The following CTNS variants were observed in gnomAD, a reference collection of about 807,000 sequenced individuals.
CTNS encodes cystinosin.
A neutral mutation model predicts 43.7 loss-of-function variants in CTNS; 27 were observed. That is an observed-to-expected ratio of 0.62 (90% confidence interval 0.46 to 0.85). The LOEUF (loss-of-function observed/expected upper bound fraction) is 0.85. Ranked by LOEUF, CTNS falls within the 40% of genes least tolerant of loss-of-function variation. CTNS has a pLI of 0.00. For synonymous variants in CTNS, 187 were observed against 190.6 expected (o/e 0.98, Z 0.16); for missense variants, 457 against 475.4 (o/e 0.96, Z 0.36).
rs1054434880 is a variant in CTNS, at chr17:3,646,538, C to T, written c.62-906C>T. Among the ~76,000 whole-genome samples, 11 of 152,242 alleles carry T rather than the reference C, an allele frequency of 7.2e-5. 1 individual carries two copies. In the South Asian group the frequency reaches 8.3e-4, roughly 11 times the overall value. The stretch of plus-strand genomic sequence containing the variant: ...CTCTGACCTCGTGATCCACCTGCCT[C>T]GGCCTCCCAAAAGGCTGGGATTACA... On this transcript the variant is annotated intron_variant, in intron 3 of 11. Coordinates refer to ENST00000046640, the MANE Select transcript of CTNS (RefSeq NM_004937.3).
Position 3,662,191 on chromosome 17 carries a change from A to G in CTNS, c.*1822A>G, listed in dbSNP as rs1219298521. On this transcript the variant is annotated 3_prime_UTR_variant, in exon 12 of 12. Coordinates refer to ENST00000046640, the MANE Select transcript of CTNS (RefSeq NM_004937.3). The stretch of plus-strand genomic sequence containing the variant: ...CTGGGCATGGTGGCGGGCACCTGTA[A>G]TCCCAGCTACTTGGTTGGCTGAGGC... Among the ~76,000 whole-genome samples the G allele has an allele frequency of 2.6e-5, 4 of 152,186 alleles. No homozygotes were observed. Among genetic ancestry groups the G allele is most frequent in the African/African-American group, 9.6e-5 (4 of 41,530 alleles).
At position 3,638,226 on chromosome 17, in the gene CTNS, G is replaced by T. The variant is rs111555211; in HGVS notation, c.-20+910G>T. On this transcript the variant is annotated intron_variant, in intron 2 of 11. Transcript: ENST00000046640. ...CTAGTTGTATGTAATTATCAATCTG[G>T]TTTTTTTTTTGTTTTTTTTTTTTAA... Among the ~76,000 whole-genome samples the T allele has an allele frequency of 1.3e-4, 19 of 149,012 alleles. No homozygotes were observed. The East Asian group carries it at 1.4e-3, about 11-fold the overall frequency.
intron 3 of CTNS, among the ~76,000 whole-genome samples, chr17:3,643,541 C>T (rs951889157): frequency 6.6e-6 from 1 of 151,908 alleles, no homozygotes; most frequent in African/African-American, 2.4e-5. Context: ...CCAGCGTGAG[C>T]GACATAGTGA....
At chr17:3,648,654 C>T (rs1405542655) in intron 4 of CTNS, among the ~76,000 whole-genome samples, 193 bp from the exon 5 acceptor site, 2 of 152,228 alleles carry the variant, frequency 1.3e-5, no homozygotes, top group Non-Finnish European at 2.9e-5. Context: ...AAGGGACAGA[C>T]ACCTGGTCTC....
chr17:3,661,083 T>C lies in CTNS; in HGVS notation c.*714T>C, dbSNP rs2076269610. On this transcript the variant is annotated 3_prime_UTR_variant, in exon 12 of 12. Transcript: ENST00000046640. ...AAGTGGCTTACTCTCTTCTGCCCTC[T>C]CTCCTACCTCCACCTTCTCAGATTA... 2.7e-6 allele frequency: 1 copy of C among 368,100 alleles called. No individual in the cohort carries two copies. Among genetic ancestry groups the C allele is most frequent in the African/African-American group, 2.1e-5 (1 of 47,516 alleles). The allele number at this position is 368,100 out of a possible 1,614,324, so 22.8% of individuals were successfully genotyped here. A position where few individuals can be genotyped will look rare whatever the true frequency, so the allele number is the denominator to read the frequency against.
chr17:3,655,389 G>A (rs2076104126), intron 7 of CTNS, 37 bp downstream of exon 7: 2 of 1,612,530 alleles, frequency 1.2e-6, no homozygotes, highest in East Asian at 2.2e-5. Context: ...CTCTCTCGGG[G>A]CCCCTAGGAG....
At chr17:3,654,472 G>A (rs1387443565) in intron 5 of CTNS, among the ~76,000 whole-genome samples, 3 of 151,872 alleles carry the variant, frequency 2.0e-5, no homozygotes, top group East Asian at 3.9e-4. Flanking sequence ...TCAGGAGTTC[G>A]AGACCAGCCT....
chr17:3,653,960 C>T (rs1217928919), intron 5 of CTNS, among the ~76,000 whole-genome samples: 1 of 152,268 alleles, frequency 6.6e-6, no homozygotes, highest in East Asian at 1.9e-4. Context: ...TGAAGCAGAG[C>T]ATTTGCCAAA....
At chr17:3,648,386 G>A (rs888675424) in intron 4 of CTNS, among the ~76,000 whole-genome samples, 17 of 152,212 alleles carry the variant, frequency 1.1e-4, no homozygotes, top group African/African-American at 3.4e-4. Flanking sequence ...CCCAGAAGAC[G>A]GCTTCCAGCC....
rs769666218 is a variant in CTNS, at chr17:3,655,091, A to G, written c.319A>G (p.Asn107Asp). ...TGTTTATCTACATGGAAATCACTCC[A>G]ATCAGACCGGGTAGGCTGGCCTCAG... is the stretch of plus-strand genomic sequence containing the variant. ...LTVYLHGNHS[N>D]QTGPRIRFLV... The change falls in exon 6 of 12, where the codon AAT becomes GAT. Residue 107 changes from asparagine (N) to aspartate (D), a missense_variant. Asn to Asp is a conservative substitution (Grantham distance 23). Transcript: ENST00000046640. The G allele has an allele frequency of 6.2e-7, 1 of 1,614,018 alleles. No homozygotes were observed.
intron 5 of CTNS, among the ~76,000 whole-genome samples, chr17:3,652,887 C>T (rs1049391357): frequency 2.0e-5 from 3 of 152,278 alleles, no homozygotes; most frequent in East Asian, 1.9e-4. Context: ...TTGCTGCAGC[C>T]GCTATACCAT....
intron 3 of CTNS, among the ~76,000 whole-genome samples, chr17:3,642,494 C>T (rs977189319): frequency 6.6e-6 from 1 of 152,064 alleles, no homozygotes; most frequent in African/African-American, 2.4e-5. Context: ...TCGAGACCAG[C>T]CTGGCCAACA....
chr17:3,658,172 A>G lies in CTNS; in HGVS notation c.849A>G (p.Pro283=). Residue 283 remains proline (P), a synonymous_variant, in exon 10 of 12, where the codon CCA becomes CCG. Coordinates refer to ENST00000046640, the MANE Select transcript of CTNS (RefSeq NM_004937.3). The part of the protein sequence containing the change: ...KLAVTLVKYF[P]QAYMNFYYKS... Reference sequence around the variant, plus strand: ...CAGTCACGCTGGTCAAGTATTTTCCACAGGTACCTCCAGGGCCCTGTTCAC... The same window carrying G: ...CAGTCACGCTGGTCAAGTATTTTCCGCAGGTACCTCCAGGGCCCTGTTCAC... 6.2e-7 allele frequency: 1 copy of G among 1,612,020 alleles called. No individual in the cohort carries two copies. Among genetic ancestry groups the G allele is most frequent in the Non-Finnish European group, 8.5e-7 (1 of 1,179,922 alleles).
In CTNS at chr17:3,662,938, C is replaced by T. The variant is rs7093; in HGVS notation, c.*2569C>T. 52,741 of 152,126 alleles carry T rather than the reference C, an allele frequency of 0.35. 9,808 individuals carry two copies. The highest frequency in any genetic ancestry group is 0.5 in the East Asian group (2,596 of 5,164). 9.4% of individuals were successfully genotyped at this position (152,126 alleles called of 1,614,324 possible). A position where few individuals can be genotyped will look rare whatever the true frequency, so the allele number is the denominator to read the frequency against. On this transcript the variant is annotated 3_prime_UTR_variant, in exon 12 of 12. Transcript: ENST00000046640. ...TTGAGCGCACCACATCGGGGAGGGGCGGCAGTGGTTTCCACGGTAACCAAA... is the reference window on the plus strand; with the variant it reads ...TTGAGCGCACCACATCGGGGAGGGGTGGCAGTGGTTTCCACGGTAACCAAA...
intron 2 of CTNS, 116 bp from the exon 3 acceptor site, chr17:3,640,072 G>A: frequency 1.2e-6 from 1 of 822,442 alleles, no homozygotes; most frequent in Non-Finnish European, 2.1e-6. Flanking sequence ...TGAGGTCACA[G>A]CTGTCAGGTG....
chr17:3,661,151 G>C lies in CTNS; in HGVS notation c.*782G>C, dbSNP rs373151543. 3 of 323,904 alleles carry C rather than the reference G, an allele frequency of 9.3e-6. No homozygotes were observed. Among genetic ancestry groups the C allele is most frequent in the East Asian group, 8.2e-5 (1 of 12,138 alleles). The allele number at this position is 323,904 out of a possible 1,614,324, so 20.1% of individuals were successfully genotyped here. A position where few individuals can be genotyped will look rare whatever the true frequency, so the allele number is the denominator to read the frequency against. ...CCAGCTGCTCCTTACCCAGCATCTG[G>C]AGTACAGGACATAGCTCTCTCCTGC... On this transcript the variant is annotated 3_prime_UTR_variant, in exon 12 of 12. Coordinates refer to ENST00000046640, the MANE Select transcript of CTNS (RefSeq NM_004937.3).
intron 5 of CTNS, chr17:3,650,327 T>TA (rs2075950563): frequency 6.5e-7 from 1 of 1,547,980 alleles, no homozygotes; most frequent in African/African-American, 1.4e-5. Flanking sequence ...ATCTGAAAAA[T>TA]ATAGCATCGC....
intron 2 of CTNS, 142 bp from the exon 3 acceptor site, chr17:3,640,046 C>T: frequency 5.5e-6 from 4 of 726,766 alleles, no homozygotes; most frequent in Non-Finnish European, 1.0e-5. Context: ...CCCTCTGAGG[C>T]CGTGATGCAA....
At chr17:3,644,716 G>A (rs369233357) in intron 3 of CTNS, among the ~76,000 whole-genome samples, 16 of 152,172 alleles carry the variant, frequency 1.1e-4, no homozygotes, top group South Asian at 2.1e-4. Context: ...CACCTGCCTC[G>A]GCCTCCCAAA....
Sources: allele counts gnomAD v4.1 joint callset (sites outside exome capture counted in the v4.1 genomes callset), GRCh38; gene constraint gnomAD v4.1.1; transcripts MANE v1.5; gene names NCBI Gene and HGNC (gene_info 2026-07-23, HGNC 2026-07-21).